The following PRKCB variants were observed in gnomAD, a reference collection of about 807,000 sequenced individuals.
The protein encoded by PRKCB is protein kinase C beta type.
PRKCB carries 13 observed loss-of-function variants against 81.5 expected under a neutral mutation model. The ratio of observed to expected loss-of-function variants is 0.16; its 90% CI spans 0.10 to 0.25. The LOEUF (loss-of-function observed/expected upper bound fraction) is 0.25. Among genes scored for constraint, PRKCB ranks in the 10% least tolerant of loss-of-function variants. PRKCB has a pLI of 1.00. For missense variants in PRKCB, 509 were observed against 875.7 expected (o/e 0.58, Z 5.29); for synonymous variants, 335 against 321.4 (o/e 1.04, Z -0.45).
intron 2 of PRKCB, among the ~76,000 whole-genome samples, chr16:23,938,113 G>A (rs1341619772): frequency 1.3e-5 from 2 of 152,152 alleles, no homozygotes; most frequent in Non-Finnish European, 2.9e-5. Flanking sequence ...CATTACTAGC[G>A]AAAACATCAC....
intron 15 of PRKCB, among the ~76,000 whole-genome samples, chr16:24,189,296 C>T (rs1314193680): frequency 6.6e-6 from 1 of 152,138 alleles, no homozygotes; most frequent in African/African-American, 2.4e-5. Flanking sequence ...AAATAGTATA[C>T]TCACCTCATT....
chr16:24,010,801 C>G (rs1279103040), intron 3 of PRKCB, among the ~76,000 whole-genome samples: 2 of 152,154 alleles, frequency 1.3e-5, no homozygotes, highest in Non-Finnish European at 2.9e-5. Flanking sequence ...ACTTCATAGG[C>G]TCCTGTTAGA....
intron 5 of PRKCB, among the ~76,000 whole-genome samples, chr16:24,068,582 GCT>G (rs1966070136): frequency 6.6e-6 from 1 of 150,816 alleles, no homozygotes; most frequent in Non-Finnish European, 1.5e-5. Context: ...TTTTATAGTT[GCT>G]CTCAGTGGGA....
At chr16:23,927,773 G>A (rs11643576) in intron 2 of PRKCB, among the ~76,000 whole-genome samples, 9 of 152,034 alleles carry the variant, frequency 5.9e-5, no homozygotes, top group Non-Finnish European at 8.8e-5. Flanking sequence ...TTGGGTACTA[G>A]GTGCGCTGGT....
rs965069447 is a variant in PRKCB, at chr16:24,220,320, A to G, written c.*5504A>G. ...TAGTTTAGAATAAGCGCATTATCCA[A>G]TTATAGAGGTACAATTTTCCAAACT... On this transcript the variant is annotated 3_prime_UTR_variant, in exon 17 of 17. Transcript: ENST00000643927. 1.4e-5 allele frequency: 7 copies of G among 505,542 alleles called. No individual in the cohort carries two copies. The highest frequency in any genetic ancestry group is 4.1e-5 in the South Asian group (1 of 24,644). 31.3% of individuals were successfully genotyped at this position (505,542 alleles called of 1,614,324 possible). A position where few individuals can be genotyped will look rare whatever the true frequency, so the allele number is the denominator to read the frequency against.
chr16:24,119,775 C>T (rs887901919), intron 8 of PRKCB, among the ~76,000 whole-genome samples: 2 of 152,088 alleles, frequency 1.3e-5, no homozygotes, highest in Admixed American at 6.6e-5. Flanking sequence ...ACTACCCCCT[C>T]GTTGCCTCTA....
chr16:24,212,259 T>C (rs1264003182), intron 16 of PRKCB, among the ~76,000 whole-genome samples: 1 of 152,116 alleles, frequency 6.6e-6, no homozygotes, highest in Non-Finnish European at 1.5e-5. Context: ...CAAATGGAAA[T>C]AAAACACCTA....
At chr16:23,908,630 C>T (rs769367757) in intron 2 of PRKCB, among the ~76,000 whole-genome samples, 1 of 152,102 alleles carries the variant, frequency 6.6e-6, no homozygotes, top group Non-Finnish European at 1.5e-5. Context: ...CTCCCGGGTT[C>T]ATGCCATTCT....
At chr16:24,174,650 C>A in intron 12 of PRKCB, 70 bp downstream of exon 12, 1 of 1,369,806 alleles carries the variant, frequency 7.3e-7, no homozygotes, top group Non-Finnish European at 1.0e-6. Flanking sequence ...CCTCTTTCTT[C>A]AGCTGCTTTT....
intron 10 of PRKCB, among the ~76,000 whole-genome samples, chr16:24,169,747 T>A (rs1400623039): frequency 6.6e-6 from 1 of 152,114 alleles, no homozygotes; most frequent in Non-Finnish European, 1.5e-5. Context: ...TGGCACTTTT[T>A]AATCTTTTAG....
chr16:24,014,163 C>A (rs1965243034), intron 3 of PRKCB, among the ~76,000 whole-genome samples: 1 of 152,102 alleles, frequency 6.6e-6, no homozygotes, highest in East Asian at 1.9e-4. Context: ...AGCGGCTTTG[C>A]AAGTTGAATA....
At chr16:24,020,578 A>G (rs1596514834) in intron 3 of PRKCB, among the ~76,000 whole-genome samples, 1 of 152,192 alleles carries the variant, frequency 6.6e-6, no homozygotes, top group African/African-American at 2.4e-5. Context: ...TAAAGTGGAT[A>G]CGGTTATTGG....
intron 5 of PRKCB, among the ~76,000 whole-genome samples, chr16:24,037,677 T>C (rs1417392875): frequency 6.6e-6 from 1 of 151,994 alleles, no homozygotes; most frequent in Non-Finnish European, 1.5e-5. Flanking sequence ...TCTGATGTGG[T>C]ACAGTACAAT....
At chr16:23,972,239 C>G (rs1260011588) in intron 2 of PRKCB, among the ~76,000 whole-genome samples, 2 of 152,164 alleles carry the variant, frequency 1.3e-5, no homozygotes, top group African/African-American at 4.8e-5. Flanking sequence ...GAAAGTGGAT[C>G]AGTGTCTACC....
intron 5 of PRKCB, among the ~76,000 whole-genome samples, chr16:24,090,768 T>C (rs1966366668): frequency 6.6e-6 from 1 of 152,140 alleles, no homozygotes; most frequent in Non-Finnish European, 1.5e-5. Flanking sequence ...AAACTGAGAT[T>C]GAGAAAGTGG....
chr16:24,017,948 G>C (rs566006791), intron 3 of PRKCB, among the ~76,000 whole-genome samples: 2 of 148,834 alleles, frequency 1.3e-5, no homozygotes, highest in Non-Finnish European at 3.0e-5. Context: ...GCCCAGGCTG[G>C]AGTGCAGCGG....
chr16:23,864,363 G>A (rs76781614), intron 2 of PRKCB, among the ~76,000 whole-genome samples: 2,015 of 152,272 alleles, frequency 0.013, 52 homozygotes, highest in African/African-American at 0.044. Context: ...AAGCTGAGAC[G>A]GGAGGATCAC....
In PRKCB at chr16:24,190,583, G is replaced by T. The variant is rs147485399; in HGVS notation, c.1723-507G>T. Among the ~76,000 whole-genome samples the T allele has an allele frequency of 4.6e-3, 683 of 149,362 alleles. 5 individuals are homozygous for T. The highest frequency in any genetic ancestry group is 0.016 in the African/African-American group (644 of 40,434). Reference sequence around the variant, plus strand: ...GCCAGACTGTAGAGTGCAGTGGCGCGATCTCAGCTCACTGCAACCTCCGCT... The same window carrying T: ...GCCAGACTGTAGAGTGCAGTGGCGCTATCTCAGCTCACTGCAACCTCCGCT... On this transcript the variant is annotated intron_variant, in intron 15 of 16. Transcript: ENST00000643927.
rs1567311221 is a variant in PRKCB, at chr16:23,911,825, C to CTTTTTTTTT, written c.205+74419_205+74420insTTTTTTTTT. 7.1e-5 allele frequency among the ~76,000 whole-genome samples: 9 copies of CTTTTTTTTT among 126,372 alleles called. 3 individuals are homozygous for CTTTTTTTTT. The highest frequency in any genetic ancestry group is 8.1e-5 in the Non-Finnish European group (5 of 61,704). 82.9% of individuals were successfully genotyped at this position (126,372 alleles called of 152,430 possible). On this transcript the variant is annotated intron_variant, in intron 2 of 16. Transcript: ENST00000643927. ...CTTGTCCTGGGATATGCGCGACCCACATTTTTTTTTTTTTTTTTTTTTTTT... is the reference window on the plus strand; with the variant it reads ...CTTGTCCTGGGATATGCGCGACCCACTTTTTTTTTATTTTTTTTTTTTTTTTTTTTTTTT...
Sources: gnomAD v4.1 joint callset for allele counts (sites outside exome capture counted in the v4.1 genomes callset) on GRCh38, gnomAD v4.1.1 for gene constraint, MANE v1.5 for transcripts, NCBI Gene and HGNC (gene_info 2026-07-23, HGNC 2026-07-21) for gene names.